Variants in SKIC3 observed in about 807,000 individuals in gnomAD.
SKIC3 encodes SKI3 subunit of superkiller complex.
the SKIC3 span, among the ~76,000 whole-genome samples, chr5:95,554,472 G>A: frequency 2.6e-5 from 4 of 152,122 alleles, no homozygotes; most frequent in Admixed American, 2.6e-4. Flanking sequence ...TCAACTAACT[G>A]AACATGTCAC....
the SKIC3 span, among the ~76,000 whole-genome samples, chr5:95,531,622 C>T: frequency 2.0e-5 from 3 of 152,174 alleles, no homozygotes; most frequent in Admixed American, 1.3e-4. Context: ...TGTTAAAACA[C>T]AGTCTGCTGA....
chr5:95,465,413 A>G, the SKIC3 span, among the ~76,000 whole-genome samples: 1 of 152,186 alleles, frequency 6.6e-6, no homozygotes, highest in Non-Finnish European at 1.5e-5. Context: ...GGCTTTATCA[A>G]TAACTTTTCC....
At chr5:95,514,022 C>T in the SKIC3 span, among the ~76,000 whole-genome samples, 1 of 152,128 alleles carries the variant, frequency 6.6e-6, no homozygotes, top group East Asian at 1.9e-4. Flanking sequence ...GAGGCTAGCA[C>T]AGTAACGCCA....
At chr5:95,526,615 A>C in the SKIC3 span, among the ~76,000 whole-genome samples, 1 of 152,116 alleles carries the variant, frequency 6.6e-6, no homozygotes, top group African/African-American at 2.4e-5. Flanking sequence ...CTGGGATTAC[A>C]GGTGCATACC....
At chr5:95,528,271 A>C in the SKIC3 span, 73 of 1,197,358 alleles carry the variant, frequency 6.1e-5, no homozygotes, top group Non-Finnish European at 7.9e-5. Flanking sequence ...CCAAAACAAT[A>C]TACATGAAGA....
the SKIC3 span, among the ~76,000 whole-genome samples, chr5:95,544,873 G>C: frequency 6.6e-6 from 1 of 152,174 alleles, no homozygotes; most frequent in Non-Finnish European, 1.5e-5. Context: ...ACTGGAGAAG[G>C]CTTCCCTGAA....
the SKIC3 span, chr5:95,509,490 C>T: frequency 7.1e-5 from 62 of 867,390 alleles, no homozygotes; most frequent in Non-Finnish European, 1.1e-4. Flanking sequence ...GTGAACATCC[C>T]CTGGCTTCAC....
At chr5:95,509,699 G>C in the SKIC3 span, 1 of 1,560,712 alleles carries the variant, frequency 6.4e-7, no homozygotes, top group Non-Finnish European at 8.8e-7. Context: ...TAGAAAATGA[G>C]AAATATCTTC....
chr5:95,545,097 G>C, the SKIC3 span, among the ~76,000 whole-genome samples: 1 of 152,040 alleles, frequency 6.6e-6, no homozygotes, highest in African/African-American at 2.4e-5. Context: ...TTAACTATTT[G>C]GTGGAATTAA....
At chr5:95,478,358 G>C in the SKIC3 span, 1 of 1,613,938 alleles carries the variant, frequency 6.2e-7, no homozygotes. Context: ...CAACTGCCCC[G>C]TTGGGATGCC....
chr5:95,536,315 A>G, the SKIC3 span, among the ~76,000 whole-genome samples: 2 of 152,256 alleles, frequency 1.3e-5, no homozygotes, highest in African/African-American at 4.8e-5. Flanking sequence ...TGACACTGTG[A>G]CATAACATCA....
chr5:95,517,098 G>A, the SKIC3 span: 1 of 1,613,446 alleles, frequency 6.2e-7, no homozygotes, highest in Non-Finnish European at 8.5e-7. Context: ...TTGTTACAAT[G>A]CCTTAATTCA....
At chr5:95,507,017 A>C in the SKIC3 span, 7 of 1,611,096 alleles carry the variant, frequency 4.3e-6, no homozygotes, top group Non-Finnish European at 5.1e-6. Flanking sequence ...TTGCCCTTAA[A>C]AAAAAAAAGG....
At chr5:95,488,626 A>C in the SKIC3 span, among the ~76,000 whole-genome samples, 4 of 152,240 alleles carry the variant, frequency 2.6e-5, no homozygotes, top group Non-Finnish European at 5.9e-5. Context: ...TTCCCAGACA[A>C]GTAAAAGTTG....
the SKIC3 span, chr5:95,550,875 A>G: frequency 6.6e-6 from 1 of 152,150 alleles, no homozygotes. Context: ...GCCTCAGATG[A>G]TAAAAGGAAA....
chr5:95,540,273 C>A, the SKIC3 span, among the ~76,000 whole-genome samples: 1 of 152,070 alleles, frequency 6.6e-6, no homozygotes, highest in East Asian at 1.9e-4. Flanking sequence ...TATGAGGACA[C>A]AAAGGCATAA....
At chr5:95,504,192 C>T in the SKIC3 span, among the ~76,000 whole-genome samples, 4 of 151,906 alleles carry the variant, frequency 2.6e-5, no homozygotes, top group African/African-American at 7.3e-5. Context: ...AAAAATTAGC[C>T]GGACGTGGTG....
the SKIC3 span, chr5:95,512,549 C>T: frequency 9.0e-5 from 145 of 1,613,902 alleles, no homozygotes; most frequent in Non-Finnish European, 1.2e-4. Flanking sequence ...TGGTACAGCT[C>T]TGTTTCTCTG....
At chr5:95,465,144 G>T in the SKIC3 span, among the ~76,000 whole-genome samples, 1,402 of 151,920 alleles carry the variant, frequency 9.2e-3, 22 homozygotes, top group African/African-American at 0.032. Flanking sequence ...GCCAGAGGCT[G>T]GTCTCAAACT....
Sources: gnomAD v4.1 joint callset for allele counts (sites outside exome capture counted in the v4.1 genomes callset) on GRCh38, gnomAD v4.1.1 for gene constraint, MANE v1.5 for transcripts, NCBI Gene and HGNC (gene_info 2026-07-23, HGNC 2026-07-21) for gene names.